The following KSR2 variants were observed in gnomAD, a reference collection of about 807,000 sequenced individuals.
KSR2 encodes the protein kinase suppressor of ras 2.
KSR2 carries 25 observed loss-of-function variants against 107.8 expected under a neutral mutation model. The ratio of observed to expected loss-of-function variants is 0.23; its 90% CI spans 0.17 to 0.32. KSR2 has a LOEUF of 0.32. KSR2 is among the 10% of genes least tolerant of loss of function. KSR2 has a pLI of 1.00. For synonymous variants in KSR2, 480 were observed against 507.0 expected (o/e 0.95, Z 0.71); for missense variants, 887 against 1,268.9 (o/e 0.70, Z 4.57).
chr12:117,852,141 G>A (rs904828475), intron 3 of KSR2, among the ~76,000 whole-genome samples: 1 of 152,042 alleles, frequency 6.6e-6, no homozygotes, highest in African/African-American at 2.4e-5. Context: ...CAGAGGACAG[G>A]GCCAGGTGTG....
At chr12:117,528,284 G>A (rs1296878789) in intron 12 of KSR2, among the ~76,000 whole-genome samples, 1 of 152,124 alleles carries the variant, frequency 6.6e-6, no homozygotes, top group Non-Finnish European at 1.5e-5. Context: ...TGCATTAGAG[G>A]TATGTTGCAG....
intron 5 of KSR2, among the ~76,000 whole-genome samples, chr12:117,627,351 T>C (rs1181610491): frequency 3.9e-5 from 6 of 152,226 alleles, no homozygotes; most frequent in Admixed American, 6.5e-5. Flanking sequence ...GTTACTTCTT[T>C]CCATGTTTAG....
At chr12:117,703,324 G>A (rs778813714) in intron 4 of KSR2, among the ~76,000 whole-genome samples, 4 of 152,166 alleles carry the variant, frequency 2.6e-5, no homozygotes, top group Non-Finnish European at 5.9e-5. Context: ...TATGAGTAGG[G>A]TAAGGTGCAT....
At chr12:117,925,575 T>G (rs1895490427) in intron 1 of KSR2, among the ~76,000 whole-genome samples, 1 of 152,230 alleles carries the variant, frequency 6.6e-6, no homozygotes, top group African/African-American at 2.4e-5. Flanking sequence ...ACAGTGGTAT[T>G]TTACATAATA....
At chr12:117,797,709 G>A (rs577839285) in intron 3 of KSR2, among the ~76,000 whole-genome samples, 351 of 151,478 alleles carry the variant, frequency 2.3e-3, no homozygotes, top group African/African-American at 7.9e-3. Flanking sequence ...GTGCAGTGGC[G>A]CAATCATGGA....
At chr12:117,595,256 C>G (rs1361132663) in intron 5 of KSR2, among the ~76,000 whole-genome samples, 1 of 151,170 alleles carries the variant, frequency 6.6e-6, no homozygotes, top group Non-Finnish European at 1.5e-5. Context: ...TATTTATTTA[C>G]TTATTTATTT....
intron 15 of KSR2, 55 bp from the exon 16 acceptor site, chr12:117,484,604 C>T: frequency 1.3e-6 from 2 of 1,590,494 alleles, no homozygotes; most frequent in Non-Finnish European, 1.7e-6. Context: ...AGCTTGCTGC[C>T]ACCCTGGCTT....
At chr12:117,684,196 T>G (rs474944) in intron 4 of KSR2, among the ~76,000 whole-genome samples, 149,519 of 152,178 alleles carry the variant, frequency 0.98, 73,480 homozygotes, top group East Asian at 1. Context: ...CCCCTCCTGG[T>G]ATGGGTTAGG....
chr12:117,617,209 T>C (rs1881939118), intron 5 of KSR2, among the ~76,000 whole-genome samples: 1 of 152,226 alleles, frequency 6.6e-6, no homozygotes, highest in Non-Finnish European at 1.5e-5. Flanking sequence ...ATGGGTCCTA[T>C]ATGAGTTGCA....
intron 5 of KSR2, among the ~76,000 whole-genome samples, chr12:117,583,570 G>C (rs960272634): frequency 1.3e-5 from 2 of 152,136 alleles, no homozygotes; most frequent in Admixed American, 1.3e-4. Flanking sequence ...TGAGATGCCT[G>C]TCCCCATCTG....
chr12:117,781,720 T>C (rs1220840509), intron 3 of KSR2, among the ~76,000 whole-genome samples: 1 of 152,154 alleles, frequency 6.6e-6, no homozygotes, highest in East Asian at 1.9e-4. Flanking sequence ...AATAAATATT[T>C]TACTGGCTTG....
intron 4 of KSR2, among the ~76,000 whole-genome samples, chr12:117,738,374 A>G (rs1888025441): frequency 6.6e-6 from 1 of 152,328 alleles, no homozygotes; most frequent in Non-Finnish European, 1.5e-5. Context: ...GCTGTGCAAA[A>G]CATCATAGAG....
chr12:117,730,526 T>G (rs1195642840), intron 4 of KSR2, among the ~76,000 whole-genome samples: 1 of 151,684 alleles, frequency 6.6e-6, no homozygotes, highest in Non-Finnish European at 1.5e-5. Flanking sequence ...CTCTCCCTCA[T>G]CTCCCCTTTC....
intron 4 of KSR2, among the ~76,000 whole-genome samples, chr12:117,723,879 G>A (rs1441404713): frequency 1.3e-5 from 2 of 152,052 alleles, no homozygotes; most frequent in African/African-American, 4.8e-5. Context: ...TCACATCAAA[G>A]TACTAGTATA....
chr12:117,739,076 A>C (rs541259), intron 4 of KSR2, among the ~76,000 whole-genome samples: 111,380 of 151,998 alleles, frequency 0.73, 42,706 homozygotes, highest in South Asian at 0.91. Context: ...AGGTAATTGG[A>C]CGGGCGCAGC....
intron 1 of KSR2, among the ~76,000 whole-genome samples, chr12:117,875,269 G>A (rs1032621346): frequency 2.0e-5 from 3 of 151,472 alleles, no homozygotes; most frequent in African/African-American, 7.3e-5. Flanking sequence ...CCAACCCAGA[G>A]ACCTCCGGGA....
At chr12:117,687,710 G>T (rs538317261) in intron 4 of KSR2, among the ~76,000 whole-genome samples, 7 of 152,146 alleles carry the variant, frequency 4.6e-5, no homozygotes, top group African/African-American at 1.7e-4. Context: ...CCTTATTGGG[G>T]GTGTCAACTA....
chr12:117,887,254 T>A (rs1460225096), intron 1 of KSR2, among the ~76,000 whole-genome samples: 1 of 151,812 alleles, frequency 6.6e-6, no homozygotes, highest in African/African-American at 2.4e-5. Context: ...CTTTTTCGGT[T>A]TTTGTTTTGT....
At chr12:117,662,692 C>A (rs1234122252) in intron 5 of KSR2, among the ~76,000 whole-genome samples, 2 of 152,170 alleles carry the variant, frequency 1.3e-5, no homozygotes, top group East Asian at 1.9e-4. Flanking sequence ...GTTCTGGAAC[C>A]ATCAGTCACT....
Sources: allele counts gnomAD v4.1 joint callset (sites outside exome capture counted in the v4.1 genomes callset), GRCh38; gene constraint gnomAD v4.1.1; transcripts MANE v1.5; gene names NCBI Gene and HGNC (gene_info 2026-07-23, HGNC 2026-07-21).